FRMPD1: variants seen among roughly 807,000 people sequenced by gnomAD.
The protein encoded by FRMPD1 is FERM and PDZ domain-containing protein 1.
FRMPD1 carries 76 observed loss-of-function variants against 117.8 expected under a neutral mutation model. The observed-to-expected ratio is 0.65, with a 90% CI of 0.54 to 0.78. The LOEUF (loss-of-function observed/expected upper bound fraction) is 0.78, where lower values mean the gene tolerates loss of function less well. Among genes scored for constraint, FRMPD1 ranks in the 30% least tolerant of loss-of-function variants. FRMPD1 has a pLI of 0.00. For synonymous variants in FRMPD1, 783 were observed against 770.4 expected (o/e 1.02, Z -0.27); for missense variants, 1,786 against 1,964.5 (o/e 0.91, Z 1.72).
chr9:37,675,369 C>T (rs935040799), intron 1 of FRMPD1, among the ~76,000 whole-genome samples: 9 of 149,538 alleles, frequency 6.0e-5, no homozygotes, highest in African/African-American at 1.5e-4. Flanking sequence ...TGCGGAGAGG[C>T]GAGATCGTGC....
At chr9:37,638,033 T>C in the FRMPD1 span, among the ~76,000 whole-genome samples, 5 of 121,012 alleles carry the variant, frequency 4.1e-5, no homozygotes, top group Non-Finnish European at 8.4e-5. Context: ...TCTCTCTCTT[T>C]CTTCCTTTCT....
intron 1 of FRMPD1, among the ~76,000 whole-genome samples, chr9:37,679,484 C>T (rs1426334244): frequency 6.6e-6 from 1 of 152,206 alleles, no homozygotes; most frequent in African/African-American, 2.4e-5. Context: ...ACATTTTCAT[C>T]TCCTCTAAAA....
At chr9:37,717,381 A>ATAT (rs1335593457) in intron 5 of FRMPD1, among the ~76,000 whole-genome samples, 105 of 114,350 alleles carry the variant, frequency 9.2e-4, no homozygotes, top group Admixed American at 1.4e-3. Context: ...ATATATATAT[A>ATAT]TTTTTTTTTT....
chr9:37,706,936 GTCCATCCATCCA>G (rs66686416), intron 2 of FRMPD1, among the ~76,000 whole-genome samples: 257 of 150,160 alleles, frequency 1.7e-3, no homozygotes, highest in African/African-American at 4.3e-3. Context: ...CTGTCAGTCC[GTCCATCCATCCA>G]TCCATCCATC....
rs748075955 is a variant in FRMPD1 at position 37,740,646 on chromosome 9, C to G, written c.2118C>G (p.Tyr706Ter). 6.2e-7 allele frequency: 1 copy of G among 1,614,056 alleles called. No individual in the cohort carries two copies. The highest frequency in any genetic ancestry group is 1.3e-5 in the African/African-American group (1 of 74,944). ...TGTATGAAGGCAGCCACGCTGACTA[C>G]TACAGCCTGTGTTCCAGTGTCTCCC... Reference protein sequence around the residue: ...PRLYEGSHADYYSLCSSVSPA... With the variant: ...PRLYEGSHAD The change falls in exon 15 of 16, where the codon TAC becomes TAG. Residue 706 changes from tyrosine (Y) to a stop codon, truncating the protein, a stop_gained. Coordinates refer to ENST00000377765, the MANE Select transcript of FRMPD1 (RefSeq NM_014907.3). LOFTEE classifies it high-confidence loss of function. The surrounding 1 kb of genome is among the most constrained non-coding windows in gnomAD (Gnocchi z 4.2).
At chr9:37,719,518 A>G (rs962465358) in intron 6 of FRMPD1, among the ~76,000 whole-genome samples, 1 of 152,192 alleles carries the variant, frequency 6.6e-6, no homozygotes, top group Non-Finnish European at 1.5e-5. Flanking sequence ...AGGGTGATCT[A>G]TTGATAATGG....
At chr9:37,604,644 T>G in the FRMPD1 span, among the ~76,000 whole-genome samples, 1 of 152,174 alleles carries the variant, frequency 6.6e-6, no homozygotes, top group East Asian at 1.9e-4. Context: ...TGGTAGAAAA[T>G]TGCTTAACCT....
At chr9:37,683,844 G>T (rs7035947) in intron 1 of FRMPD1, among the ~76,000 whole-genome samples, 2 of 69,356 alleles carry the variant, frequency 2.9e-5, no homozygotes, top group Non-Finnish European at 6.4e-5. Flanking sequence ...GTGTTGTGTG[G>T]GGGAGATGAA....
intron 2 of FRMPD1, 30 bp from the exon 3 acceptor site, chr9:37,707,386 T>C: frequency 1.2e-6 from 2 of 1,606,306 alleles, no homozygotes; most frequent in South Asian, 2.2e-5. Context: ...GTCTTCTCTT[T>C]CTCTTTTTTA....
At chr9:37,610,938 T>C in the FRMPD1 span, among the ~76,000 whole-genome samples, 1 of 152,230 alleles carries the variant, frequency 6.6e-6, no homozygotes, top group Non-Finnish European at 1.5e-5. Flanking sequence ...TTGTATTTTA[T>C]GTATGGACAT....
At chr9:37,688,669 A>G (rs953986590) in intron 1 of FRMPD1, among the ~76,000 whole-genome samples, 4 of 152,146 alleles carry the variant, frequency 2.6e-5, no homozygotes, top group African/African-American at 9.6e-5. Flanking sequence ...GATTTATTAA[A>G]TAAATTATGG....
rs541385390 is a variant in FRMPD1, at chr9:37,736,184, G to A, written c.1401+450G>A. ...CCCGGCTAATGTTTTGTATTTTTTC[G>A]TAGAGATGGGGTTTCACTGTGTTAG... On this transcript the variant is annotated intron_variant, in intron 13 of 15. Transcript: ENST00000377765. Among the ~76,000 whole-genome samples the A allele has an allele frequency of 5.3e-5, 8 of 151,794 alleles. No homozygotes were observed. In the South Asian group the frequency reaches 8.3e-4, roughly 16 times the overall value.
rs34040451 is a variant in FRMPD1 at position 37,678,251 on chromosome 9, CTTTTTTTTTTT to C, written c.-4-14369_-4-14359del. On this transcript the variant is annotated intron_variant, in intron 1 of 15. Transcript: ENST00000377765. ...CTCTTTTCCCCTCTAGTACTTACCA[CTTTTTTTTTTT>C]TTTTTTTTTTTTTTTTTAGATGGAG... is the stretch of plus-strand genomic sequence containing the variant. Among the ~76,000 whole-genome samples the C allele has an allele frequency of 5.2e-3, 414 of 79,850 alleles. 6 individuals carry two copies. The highest frequency in any genetic ancestry group is 0.02 in the African/African-American group (391 of 19,418). 52.4% of individuals were successfully genotyped at this position (79,850 alleles called of 152,430 possible).
At chr9:37,615,465 C>T in the FRMPD1 span, among the ~76,000 whole-genome samples, 1 of 152,040 alleles carries the variant, frequency 6.6e-6, no homozygotes, top group Admixed American at 6.6e-5. Context: ...TCTTCTTTAC[C>T]TGTATTAATA....
the FRMPD1 span, among the ~76,000 whole-genome samples, chr9:37,603,363 G>A: frequency 9.2e-5 from 14 of 152,076 alleles, no homozygotes; most frequent in African/African-American, 1.9e-4. Context: ...AGGAGCATAC[G>A]GCAACTGAAC....
intron 2 of FRMPD1, among the ~76,000 whole-genome samples, chr9:37,705,772 T>C (rs1410776528): frequency 6.6e-6 from 1 of 152,008 alleles, no homozygotes; most frequent in Admixed American, 6.6e-5. Flanking sequence ...GCTCAGAAGA[T>C]TGAGACCAGC....
the FRMPD1 span, among the ~76,000 whole-genome samples, chr9:37,616,771 T>A: frequency 6.6e-6 from 1 of 152,032 alleles, no homozygotes; most frequent in South Asian, 2.1e-4. Flanking sequence ...CTCTAGGAGA[T>A]AGAACAACAG....
In FRMPD1 at chr9:37,650,969, C is replaced by G. The variant is rs1820651881; in HGVS notation, c.-130C>G. 1 of 151,420 alleles carries G rather than the reference C, an allele frequency of 6.6e-6. No homozygotes were observed. The highest frequency in any genetic ancestry group is 2.4e-5 in the African/African-American group (1 of 41,348). 9.4% of individuals were successfully genotyped at this position (151,420 alleles called of 1,614,324 possible). ...TCGGCGCGGGAGGCGGAGCCCGAGC[C>G]GAGCCCGAGCAGCGCTGCTTCCCGA... On this transcript the variant is annotated 5_prime_UTR_variant, in exon 1 of 16. Transcript: ENST00000377765.
intron 15 of FRMPD1, 151 bp from the exon 16 acceptor site, chr9:37,744,238 T>C (rs1824568117): frequency 3.6e-6 from 2 of 548,306 alleles, no homozygotes; most frequent in African/African-American, 3.8e-5. Flanking sequence ...ATCTTTCAGA[T>C]GAGGAAGTTG....
Sources: allele counts gnomAD v4.1 joint callset (sites outside exome capture counted in the v4.1 genomes callset), GRCh38; gene constraint gnomAD v4.1.1; non-coding constraint Gnocchi (gnomAD v3.1); transcripts MANE v1.5; gene names NCBI Gene and HGNC (gene_info 2026-07-23, HGNC 2026-07-21).